Variants in GRID2IP observed in about 807,000 individuals in gnomAD.
GRID2IP encodes the protein delphilin.
A neutral mutation model predicts 114.3 loss-of-function variants in GRID2IP; 78 were observed. The ratio of observed to expected loss-of-function variants is 0.68; its 90% CI spans 0.57 to 0.82. GRID2IP has a LOEUF of 0.82. GRID2IP is among the 40% of genes least tolerant of loss of function. The pLI is 0.00. For missense variants in GRID2IP, 1,727 were observed against 1,678.5 expected, an observed-to-expected ratio of 1.03 and a Z score of -0.51; for synonymous variants, 809 against 724.0, an observed-to-expected ratio of 1.12 and a Z score of -1.89.
Position 6,507,930 on chromosome 7 carries a change from C to T in GRID2IP, c.2544+55G>A. On this transcript the variant is annotated intron_variant, in intron 13 of 21. Transcript: ENST00000457091. The surrounding 1 kb of genome is among the most constrained non-coding windows in gnomAD (Gnocchi z 5.3). ...GCCGATGGGTTTTCCTTCAGTGCTG[C>T]TGCCCAAGCCATCCTCCCCCAGTAC... 1.3e-6 allele frequency: 2 copies of T among 1,538,538 alleles called. No individual in the cohort carries two copies. The highest frequency in any genetic ancestry group is 2.4e-5 in the South Asian group (2 of 82,332).
At position 6,532,436 on chromosome 7, in the gene GRID2IP, C is replaced by T. The variant is rs1170887539; in HGVS notation, c.585-5667G>A. ...GCAGCACAGGGAGGACCCTCTGGTC[C>T]GATCATCGGTCTCTGGTACTGTCCA... is the stretch of plus-strand genomic sequence containing the variant. On this transcript the variant is annotated intron_variant, in intron 2 of 21. Coordinates refer to ENST00000457091, the MANE Select transcript of GRID2IP (RefSeq NM_001145118.2). This position sits in a 1 kb window ranked among gnomAD's most constrained non-coding sequence, Gnocchi z 4.4. Among the ~76,000 whole-genome samples the T allele has an allele frequency of 5.3e-5, 8 of 152,156 alleles. No individual in the cohort carries two copies. The highest frequency in any genetic ancestry group is 1.9e-4 in the East Asian group (1 of 5,184).
chr7:6,525,180 G>A (rs1283169402), intron 4 of GRID2IP, among the ~76,000 whole-genome samples: 1 of 151,894 alleles, frequency 6.6e-6, no homozygotes, highest in Admixed American at 6.6e-5. Context: ...GGTGGCAGGC[G>A]CCTGTAATCT....
At chr7:6,542,366 T>A (rs1395039740) in intron 1 of GRID2IP, among the ~76,000 whole-genome samples, 1 of 150,922 alleles carries the variant, frequency 6.6e-6, no homozygotes, top group Non-Finnish European at 1.5e-5. Context: ...GGCAAGATCC[T>A]GGCAGGGCTG....
chr7:6,500,554 T>C (rs141896460), intron 20 of GRID2IP, among the ~76,000 whole-genome samples: 61 of 152,352 alleles, frequency 4.0e-4, no homozygotes, highest in African/African-American at 1.4e-3. Flanking sequence ...AGTGATTCTC[T>C]GCAGATCTCC....
At chr7:6,540,097 C>T (rs949713609) in intron 1 of GRID2IP, among the ~76,000 whole-genome samples, 4 of 147,696 alleles carry the variant, frequency 2.7e-5, no homozygotes, top group Admixed American at 6.8e-5. Flanking sequence ...CCCTCCCCTC[C>T]CCTCCCCTCC....
chr7:6,538,694 A>T (rs1489944469), intron 2 of GRID2IP, among the ~76,000 whole-genome samples: 4 of 152,206 alleles, frequency 2.6e-5, no homozygotes, highest in Non-Finnish European at 5.9e-5. Flanking sequence ...CCTGGCCAAC[A>T]TGGTGACACC....
chr7:6,501,722 G>C, intron 20 of GRID2IP, 59 bp downstream of exon 20: 1 of 1,293,968 alleles, frequency 7.7e-7, no homozygotes, highest in Non-Finnish European at 1.1e-6. Flanking sequence ...GCCACAGCCA[G>C]CTCTACCCAA....
rs1196539421 is a variant in GRID2IP at position 6,508,229 on chromosome 7, G to A, written c.2300C>T (p.Ala767Val). 6.5e-7 allele frequency: 1 copy of A among 1,527,882 alleles called. No individual in the cohort carries two copies. The highest frequency in any genetic ancestry group is 2.0e-5 in the Admixed American group (1 of 49,746). The allele number at this position is 1,527,882 out of a possible 1,614,324, so 94.6% of individuals were successfully genotyped here. The change falls in exon 13 of 22, where the codon GCT becomes GTT. Residue 767 changes from alanine to valine, a missense_variant. Transcript: ENST00000457091. The surrounding 1 kb of genome is among the most constrained non-coding windows in gnomAD (Gnocchi z 5.6). ...ATCAGAGCTGCGGGAGCTGGGCTTA[G>A]CGTCATGGAAAGGCAGGGGTGGCGG... is the stretch of plus-strand genomic sequence containing the variant. The part of the protein sequence containing the change: ...PPPPPLPFHD[A>V]KPSSRSSDGS...
chr7:6,551,335 C>CA lies in GRID2IP; in HGVS notation c.101_102insT (p.Lys34AsnfsTer83). On this transcript the variant is annotated frameshift_variant, in exon 1 of 22. Coordinates refer to ENST00000457091, the MANE Select transcript of GRID2IP (RefSeq NM_001145118.2). LOFTEE classifies it high-confidence loss of function. ...GTCCTCCGGCATGCGCGCTGCTCCC[C>CA]TTGGCCACCTCCAGGACGAAGCAGG... 1 of 1,548,260 alleles carries CA rather than the reference C, an allele frequency of 6.5e-7. No homozygotes were observed. Among genetic ancestry groups the CA allele is most frequent in the Non-Finnish European group, 8.7e-7 (1 of 1,146,698 alleles).
In GRID2IP at chr7:6,526,978, G is replaced by A. The variant is rs969225963; in HGVS notation, c.585-209C>T. On this transcript the variant is annotated intron_variant, in intron 2 of 21. Coordinates refer to ENST00000457091, the MANE Select transcript of GRID2IP (RefSeq NM_001145118.2). This position sits in a 1 kb window ranked among gnomAD's most constrained non-coding sequence, Gnocchi z 7.6. ...GATTTGCGCCCCCAGCTAGGACTTG[G>A]CGTCCTGCTCGCTTCACCTCGGGAA... Among the ~76,000 whole-genome samples the A allele has an allele frequency of 2.6e-5, 4 of 152,164 alleles. No homozygotes were observed. The highest frequency in any genetic ancestry group is 4.4e-5 in the Non-Finnish European group (3 of 68,024).
Position 6,510,456 on chromosome 7 carries a change from G to A in GRID2IP, c.1654-56C>T. The A allele has an allele frequency of 5.0e-6, 7 of 1,407,036 alleles. No homozygotes were observed. In the South Asian group the frequency reaches 1.0e-4, roughly 20 times the overall value. 87.2% of individuals were successfully genotyped at this position (1,407,036 alleles called of 1,614,324 possible). ...TTCTGCTTCCCCTCGTAGCCCTAATGTGGTCCAGGCCTGGGTGGGCCGGGA... is the reference window on the plus strand; with the variant it reads ...TTCTGCTTCCCCTCGTAGCCCTAATATGGTCCAGGCCTGGGTGGGCCGGGA... On this transcript the variant is annotated intron_variant, in intron 10 of 21. Transcript: ENST00000457091.
intron 1 of GRID2IP, among the ~76,000 whole-genome samples, chr7:6,548,714 C>T (rs961119350): frequency 5.3e-5 from 8 of 151,572 alleles, no homozygotes; most frequent in East Asian, 2.0e-4. Flanking sequence ...TGGTGGGGTA[C>T]GCCTGTAATC....
intron 20 of GRID2IP, among the ~76,000 whole-genome samples, chr7:6,500,333 G>T (rs993382912): frequency 6.6e-6 from 1 of 152,008 alleles, no homozygotes; most frequent in Non-Finnish European, 1.5e-5. Flanking sequence ...TTGTGGTGGT[G>T]GGCACCTGTA....
chr7:6,514,945 C>T (rs1014000205), intron 7 of GRID2IP, among the ~76,000 whole-genome samples: 1 of 142,902 alleles, frequency 7.0e-6, no homozygotes, highest in East Asian at 2.0e-4. Flanking sequence ...GAGTGAGACT[C>T]CAACTCAAAA....
At chr7:6,499,569 T>TA (rs1405164941) in intron 20 of GRID2IP, among the ~76,000 whole-genome samples, 3 of 152,324 alleles carry the variant, frequency 2.0e-5, no homozygotes, top group African/African-American at 7.2e-5. Context: ...TAGCTGGGAT[T>TA]ACAGGCACAT....
In GRID2IP at chr7:6,534,294, T is replaced by A. The variant is rs1779687232; in HGVS notation, c.584+5424A>T. Among the ~76,000 whole-genome samples the A allele has an allele frequency of 6.6e-6, 1 of 152,012 alleles. No homozygotes were observed. Among genetic ancestry groups the A allele is most frequent in the South Asian group, 2.1e-4 (1 of 4,820 alleles). The stretch of plus-strand genomic sequence containing the variant: ...CACCCCGTTCCCCCCACGCCACCAC[T>A]CATATTTCCTGAAACGCTAGCGGAC... On this transcript the variant is annotated intron_variant, in intron 2 of 21. Transcript: ENST00000457091. The surrounding 1 kb of genome is among the most constrained non-coding windows in gnomAD (Gnocchi z 4.5).
chr7:6,511,766 G>A (rs1050918460), intron 8 of GRID2IP, among the ~76,000 whole-genome samples: 5 of 152,110 alleles, frequency 3.3e-5, no homozygotes, highest in African/African-American at 1.2e-4. Flanking sequence ...GCAAATTGTG[G>A]GTCCCTGGGA....
rs1352656782 is a variant in GRID2IP, at chr7:6,509,745, G to A, written c.1772-432C>T. Among the ~76,000 whole-genome samples, 4 of 152,192 alleles carry A rather than the reference G, an allele frequency of 2.6e-5. No homozygotes were observed. The South Asian group carries it at 6.2e-4, about 24-fold the overall frequency. On this transcript the variant is annotated intron_variant, in intron 11 of 21. Coordinates refer to ENST00000457091, the MANE Select transcript of GRID2IP (RefSeq NM_001145118.2). The surrounding 1 kb of genome is among the most constrained non-coding windows in gnomAD (Gnocchi z 4.9). ...CAACTGTCTTCCCAGCTGTGCCAAC[G>A]CTGGTACAACGCGTTGCACTTGATC...
intron 1 of GRID2IP, among the ~76,000 whole-genome samples, chr7:6,548,031 A>G (rs1779913311): frequency 2.6e-5 from 4 of 152,184 alleles, no homozygotes. Context: ...GGGTGACTAT[A>G]GCCAATAATA....
Sources: allele counts gnomAD v4.1 joint callset (sites outside exome capture counted in the v4.1 genomes callset), GRCh38; gene constraint gnomAD v4.1.1; non-coding constraint Gnocchi (gnomAD v3.1); transcripts MANE v1.5; gene names NCBI Gene and HGNC (gene_info 2026-07-23, HGNC 2026-07-21).